ULK4: variants seen among roughly 807,000 people sequenced by gnomAD.
The protein encoded by ULK4 is inactive serine/threonine-protein kinase ULK4.
A neutral mutation model predicts 160.6 loss-of-function variants in ULK4; 133 were observed. The observed-to-expected ratio is 0.83, with a 90% confidence interval of 0.72 to 0.96. The LOEUF (loss-of-function observed/expected upper bound fraction) is 0.96, where lower values mean the gene tolerates loss of function less well. Ranked by LOEUF, ULK4 falls within the 40% of genes least tolerant of loss-of-function variation. The pLI is 0.00. For synonymous variants in ULK4, 534 were observed against 539.8 expected (o/e 0.99, Z 0.15); for missense variants, 1,580 against 1,499.5 (o/e 1.05, Z -0.89).
Position 41,898,528 on chromosome 3 carries a change from T to C in ULK4, c.1288-36A>G, listed in dbSNP as rs1467775448. 15 of 1,323,832 alleles carry C rather than the reference T, an allele frequency of 1.1e-5. No individual in the cohort carries two copies. In the Middle Eastern group the frequency reaches 7.4e-4, roughly 65 times the overall value. 82.0% of individuals were successfully genotyped at this position (1,323,832 alleles called of 1,614,324 possible). A position where few individuals can be genotyped will look rare whatever the true frequency, so the allele number is the denominator to read the frequency against. On this transcript the variant is annotated intron_variant, in intron 13 of 36. Transcript: ENST00000301831. ...AAAAAAAAGAAAGCTTTTGAGACAATTTTTAAGATGGATATCTGTCTCCTT... is the reference window on the plus strand; with the variant it reads ...AAAAAAAAGAAAGCTTTTGAGACAACTTTTAAGATGGATATCTGTCTCCTT...
chr3:41,739,234 T>C (rs900109008), intron 22 of ULK4, among the ~76,000 whole-genome samples: 1 of 151,840 alleles, frequency 6.6e-6, no homozygotes, highest in Admixed American at 6.6e-5. Flanking sequence ...TAGCAGTAAA[T>C]TGCATGAACA....
intron 5 of ULK4, among the ~76,000 whole-genome samples, chr3:41,922,857 G>A (rs562785714): frequency 2.6e-5 from 4 of 152,172 alleles, no homozygotes; most frequent in Non-Finnish European, 5.9e-5. Context: ...TCTTAAGAAA[G>A]GTTCTTCAGG....
At chr3:41,558,432 C>T (rs181690790) in intron 32 of ULK4, among the ~76,000 whole-genome samples, 1 of 152,174 alleles carries the variant, frequency 6.6e-6, no homozygotes, top group East Asian at 1.9e-4. Flanking sequence ...AGGCCAGGAG[C>T]AGTGGCTCAT....
At chr3:41,531,653 T>C (rs2086324298) in intron 32 of ULK4, among the ~76,000 whole-genome samples, 1 of 152,156 alleles carries the variant, frequency 6.6e-6, no homozygotes, top group Non-Finnish European at 1.5e-5. Flanking sequence ...TTTACTTGCA[T>C]ATAATACTGT....
chr3:41,744,726 T>C (rs1414430022), intron 22 of ULK4, among the ~76,000 whole-genome samples: 1 of 151,806 alleles, frequency 6.6e-6, no homozygotes, highest in Non-Finnish European at 1.5e-5. Flanking sequence ...CTAATTGACA[T>C]ATAAAGAACA....
At chr3:41,760,369 G>A (rs1408114940) in intron 21 of ULK4, among the ~76,000 whole-genome samples, 2 of 152,080 alleles carry the variant, frequency 1.3e-5, no homozygotes, top group African/African-American at 2.4e-5. Flanking sequence ...TCATTAAAAT[G>A]TTCAATACAT....
chr3:41,615,066 T>A (rs1276706568), intron 31 of ULK4, among the ~76,000 whole-genome samples: 1 of 152,222 alleles, frequency 6.6e-6, no homozygotes, highest in African/African-American at 2.4e-5. Flanking sequence ...GTATTTGGTA[T>A]AATTAGGGAT....
intron 17 of ULK4, among the ~76,000 whole-genome samples, chr3:41,863,680 G>A (rs1460032285): frequency 8.6e-5 from 13 of 151,920 alleles, no homozygotes; most frequent in African/African-American, 1.7e-4. Flanking sequence ...TGACAGGACC[G>A]GGTCCTTTCC....
intron 32 of ULK4, among the ~76,000 whole-genome samples, chr3:41,506,164 T>C (rs892644220): frequency 5.3e-5 from 8 of 152,210 alleles, no homozygotes; most frequent in African/African-American, 1.9e-4. Flanking sequence ...ACACTTTTTA[T>C]TAATCTACAT....
At chr3:41,846,072 T>C (rs998153134) in intron 17 of ULK4, among the ~76,000 whole-genome samples, 6 of 152,230 alleles carry the variant, frequency 3.9e-5, no homozygotes, top group East Asian at 1.9e-4. Context: ...GAAATTGCTT[T>C]AGAACTCAAT....
chr3:41,863,062 G>A (rs2042540774), intron 17 of ULK4, among the ~76,000 whole-genome samples: 1 of 152,200 alleles, frequency 6.6e-6, no homozygotes, highest in Non-Finnish European at 1.5e-5. Context: ...CTAAGTCCCA[G>A]GTGGGTCCAG....
intron 22 of ULK4, among the ~76,000 whole-genome samples, chr3:41,732,784 T>A (rs1277385415): frequency 1.3e-5 from 2 of 152,118 alleles, no homozygotes; most frequent in Admixed American, 1.3e-4. Flanking sequence ...AATAATAATA[T>A]TCAACCATAA....
chr3:41,937,759 GAT>G, intron 3 of ULK4: 1 of 197,434 alleles, frequency 5.1e-6, no homozygotes, highest in Non-Finnish European at 1.0e-5. Context: ...TAAAAACAAA[GAT>G]ACTTTATAAA....
chr3:41,605,764 T>C (rs1476529294), intron 31 of ULK4, among the ~76,000 whole-genome samples: 2 of 152,168 alleles, frequency 1.3e-5, no homozygotes, highest in South Asian at 2.1e-4. Context: ...ATTTATCTAA[T>C]TGACATTCAT....
intron 17 of ULK4, among the ~76,000 whole-genome samples, chr3:41,858,194 A>G (rs1159291213): frequency 8.6e-6 from 1 of 115,788 alleles, no homozygotes; most frequent in Non-Finnish European, 1.6e-5. Context: ...TTTGTCGCCC[A>G]GGCTGGAGTG....
At chr3:41,664,398 C>A (rs1326683758) in intron 29 of ULK4, among the ~76,000 whole-genome samples, 1 of 152,086 alleles carries the variant, frequency 6.6e-6, no homozygotes, top group East Asian at 1.9e-4. Context: ...TTCCTTATGT[C>A]CTCTGTCTTC....
chr3:41,368,902 C>CA (rs2081306699), intron 35 of ULK4, among the ~76,000 whole-genome samples: 1 of 152,044 alleles, frequency 6.6e-6, no homozygotes, highest in South Asian at 2.1e-4. Context: ...TAAAAAATTA[C>CA]AAAAATATTT....
In ULK4 at chr3:41,788,480, C is replaced by A. The variant is rs372780885; in HGVS notation, c.2193+1181G>T. Among the ~76,000 whole-genome samples the A allele has an allele frequency of 4.2e-4, 64 of 152,152 alleles. No individual in the cohort carries two copies. The South Asian group carries it at 0.011, about 25-fold the overall frequency. Reference sequence around the variant, plus strand: ...AGGGCGGATCACAAGTTCAGGAGATCGAGACCATCCTGGCTAACACGGTGA... The same window carrying A: ...AGGGCGGATCACAAGTTCAGGAGATAGAGACCATCCTGGCTAACACGGTGA... On this transcript the variant is annotated intron_variant, in intron 21 of 36. Coordinates refer to ENST00000301831, the MANE Select transcript of ULK4 (RefSeq NM_017886.4).
chr3:41,832,093 T>C (rs1482610633), intron 18 of ULK4, among the ~76,000 whole-genome samples: 1 of 152,208 alleles, frequency 6.6e-6, no homozygotes, highest in African/African-American at 2.4e-5. Flanking sequence ...TCAAATGGTA[T>C]TTCTGGTTCT....
Sources: allele counts gnomAD v4.1 joint callset (sites outside exome capture counted in the v4.1 genomes callset), GRCh38; gene constraint gnomAD v4.1.1; transcripts MANE v1.5; gene names NCBI Gene and HGNC (gene_info 2026-07-23, HGNC 2026-07-21).